SMCHD1: variants seen among roughly 807,000 people sequenced by gnomAD.
SMCHD1 encodes the protein structural maintenance of chromosomes flexible hinge domain-containing protein 1.
SMCHD1 carries 78 observed loss-of-function variants against 254.7 expected under a neutral mutation model. That is an observed-to-expected ratio of 0.31 (90% CI 0.26 to 0.37). The LOEUF (loss-of-function observed/expected upper bound fraction) is 0.37. SMCHD1 is among the 10% of genes least tolerant of loss of function. The pLI is 1.00. For synonymous variants in SMCHD1, 766 were observed against 794.9 expected, an observed-to-expected ratio of 0.96 and a Z score of 0.61; for missense variants, 1,840 against 2,408.1, an observed-to-expected ratio of 0.76 and a Z score of 4.94.
rs1044373710 is a variant in SMCHD1 at position 2,675,879 on chromosome 18, G to C, written c.638+1734G>C. On this transcript the variant is annotated intron_variant, in intron 5 of 47. Transcript: ENST00000320876. Reference sequence around the variant, plus strand: ...AACTTTTAAACTTAACCAAATATTAGGGAAATTGTAATTTCTGGCAAAAAT... The same window carrying C: ...AACTTTTAAACTTAACCAAATATTACGGAAATTGTAATTTCTGGCAAAAAT... 2.0e-5 allele frequency among the ~76,000 whole-genome samples: 3 copies of C among 152,130 alleles called. 1 individual carries two copies. The highest frequency in any genetic ancestry group is 7.2e-5 in the African/African-American group (3 of 41,420).
At chr18:2,759,127 C>A (rs1456266769) in intron 34 of SMCHD1, among the ~76,000 whole-genome samples, 1 of 152,174 alleles carries the variant, frequency 6.6e-6, no homozygotes, top group African/African-American at 2.4e-5. Context: ...TGTTGGTTTT[C>A]ATTCTAGTTC....
At chr18:2,730,632 T>A (rs904338300) in intron 24 of SMCHD1, among the ~76,000 whole-genome samples, 1 of 152,134 alleles carries the variant, frequency 6.6e-6, no homozygotes, top group Non-Finnish European at 1.5e-5. Context: ...CTGAGTAGGG[T>A]AACAGATACT....
intron 26 of SMCHD1, 113 bp from the exon 27 acceptor site, chr18:2,739,316 GTTA>G (rs2075305914): frequency 1.4e-6 from 1 of 721,334 alleles, no homozygotes; most frequent in Non-Finnish European, 2.4e-6. Context: ...TTGAAGGAGT[GTTA>G]TTGTATTTGA....
chr18:2,763,664 G>T lies in SMCHD1; in HGVS notation c.4594G>T (p.Asp1532Tyr). ...TGACTACGACAACCATACTGGAATTGATTTGGTTGGCACTATAATAGCCAC... is the reference window on the plus strand; with the variant it reads ...TGACTACGACAACCATACTGGAATTTATTTGGTTGGCACTATAATAGCCAC... ...TDDYDNHTGI[D>Y]LVGTIIATIK... is the part of the protein sequence containing the mutation. Residue 1532 changes from aspartate to tyrosine, a missense_variant, in exon 37 of 48, where the codon GAT becomes TAT. By Grantham distance (160) the Asp-to-Tyr change is radical. Around this residue, in one of 9 missense-constraint regions of SMCHD1, gnomAD observed 881 missense variants for 1,009.5 expected, o/e 0.87. Coordinates refer to ENST00000320876, the MANE Select transcript of SMCHD1 (RefSeq NM_015295.3). 6.3e-7 allele frequency: 1 copy of T among 1,580,632 alleles called. No homozygotes were observed. The highest frequency in any genetic ancestry group is 8.6e-7 in the Non-Finnish European group (1 of 1,168,608).
chr18:2,675,033 A>C (rs1225437329), intron 5 of SMCHD1, among the ~76,000 whole-genome samples: 1 of 152,196 alleles, frequency 6.6e-6, no homozygotes, highest in Non-Finnish European at 1.5e-5. Context: ...TTTGGATTCT[A>C]GCCTTGCCAC....
chr18:2,748,342 T>TTTGTGTGTG (rs1491395194), intron 30 of SMCHD1, among the ~76,000 whole-genome samples: 1 of 78,428 alleles, frequency 1.3e-5, no homozygotes, highest in African/African-American at 5.6e-5. Context: ...CTTTGCAAAG[T>TTTGTGTGTG]TGTGTGTGTG....
At chr18:2,695,219 A>G (rs2074260902) in intron 8 of SMCHD1, among the ~76,000 whole-genome samples, 1 of 152,022 alleles carries the variant, frequency 6.6e-6, no homozygotes, top group Non-Finnish European at 1.5e-5. Flanking sequence ...GAAAATAATC[A>G]TTGTGTTTTT....
chr18:2,802,358 TG>T (rs1207828410), intron 47 of SMCHD1, among the ~76,000 whole-genome samples, 169 bp from the exon 48 acceptor site: 1 of 152,130 alleles, frequency 6.6e-6, no homozygotes, highest in Non-Finnish European at 1.5e-5. Flanking sequence ...TTTGCATACA[TG>T]TGAAGGAAAT....
intron 5 of SMCHD1, among the ~76,000 whole-genome samples, chr18:2,680,902 T>C (rs1427449933): frequency 6.6e-6 from 1 of 152,210 alleles, no homozygotes; most frequent in Non-Finnish European, 1.5e-5. Context: ...GCCACCATTC[T>C]GGAAGTGTTC....
chr18:2,712,032 TCTTCCAGC>T (rs1174927839), intron 17 of SMCHD1, among the ~76,000 whole-genome samples: 1 of 152,146 alleles, frequency 6.6e-6, no homozygotes, highest in East Asian at 1.9e-4. Context: ...AGATGCCCAG[TCTTCCAGC>T]CAGCAGAACT....
At chr18:2,796,708 G>A in intron 47 of SMCHD1, 187 bp downstream of exon 47, 1 of 540,850 alleles carries the variant, frequency 1.8e-6, no homozygotes, top group Non-Finnish European at 3.2e-6. Context: ...AGCCTCCCGA[G>A]TAGCTGGCAT....
intron 25 of SMCHD1, among the ~76,000 whole-genome samples, chr18:2,733,609 T>C (rs1217383629): frequency 6.6e-6 from 1 of 152,190 alleles, no homozygotes; most frequent in Non-Finnish European, 1.5e-5. Context: ...TGGGTACAGT[T>C]TTCTATGTTG....
chr18:2,687,056 G>A (rs961307259), intron 5 of SMCHD1, among the ~76,000 whole-genome samples: 18 of 151,958 alleles, frequency 1.2e-4, no homozygotes, highest in African/African-American at 4.1e-4. Flanking sequence ...TTAGATTTCA[G>A]GATTTAAAAT....
chr18:2,671,843 C>T (rs1047830962), intron 3 of SMCHD1, among the ~76,000 whole-genome samples: 3 of 152,006 alleles, frequency 2.0e-5, no homozygotes, highest in Non-Finnish European at 2.9e-5. Flanking sequence ...GAAGATCCGC[C>T]CGCCTTGGCC....
At chr18:2,784,665 T>A in intron 45 of SMCHD1, 44 bp downstream of exon 45, 1 of 1,486,608 alleles carries the variant, frequency 6.7e-7, no homozygotes, top group Non-Finnish European at 9.0e-7. Context: ...AATTTAATTT[T>A]ACTCTTATTT....
chr18:2,771,686 A>G, intron 40 of SMCHD1, 68 bp downstream of exon 40: 1 of 1,219,420 alleles, frequency 8.2e-7, no homozygotes, highest in Non-Finnish European at 1.1e-6. Context: ...TCAATTATTC[A>G]GTTTTTATTA....
intron 17 of SMCHD1, among the ~76,000 whole-genome samples, chr18:2,708,866 T>TCACATATATATATATATA (rs1347544984): frequency 1.1e-4 from 2 of 18,106 alleles, no homozygotes; most frequent in African/African-American, 5.5e-4. Flanking sequence ...TTCAATAACT[T>TCACATATATATATATATA]CATATATATA....
At chr18:2,741,252 TAAA>T (rs1295421920) in intron 28 of SMCHD1, among the ~76,000 whole-genome samples, 1 of 152,144 alleles carries the variant, frequency 6.6e-6, no homozygotes, top group African/African-American at 2.4e-5. Context: ...GCTTAAAAAA[TAAA>T]AACTCTGGTG....
chr18:2,703,659 C>G (rs773294810), intron 12 of SMCHD1, 33 bp from the exon 13 acceptor site: 1 of 1,526,570 alleles, frequency 6.6e-7, no homozygotes, highest in Non-Finnish European at 9.0e-7. Context: ...TTGCTAGTAG[C>G]TATATTTCAT....
Sources: gnomAD v4.1 joint callset for allele counts (sites outside exome capture counted in the v4.1 genomes callset) on GRCh38, gnomAD v4.1.1 for gene constraint, gnomAD v4.1.1 regional missense constraint, MANE v1.5 for transcripts, NCBI Gene and HGNC (gene_info 2026-07-23, HGNC 2026-07-21) for gene names.